Variants in CREB1 observed in about 807,000 individuals in gnomAD.
The protein encoded by CREB1 is cAMP responsive element binding protein 1, also known as cyclic AMP-responsive element-binding protein 1.
In CREB1, 2 loss-of-function variants were observed where a neutral mutation model predicts 42.0. The ratio of observed to expected loss-of-function variants is 0.05; its 90% CI spans 0.02 to 0.15. CREB1 has a LOEUF of 0.15. Ranked by LOEUF, CREB1 falls within the 10% of genes least tolerant of loss-of-function variation. CREB1 has a pLI of 1.00. For synonymous variants in CREB1, 123 were observed against 139.9 expected, an observed-to-expected ratio of 0.88 and a Z score of 0.85; for missense variants, 199 against 388.9, an observed-to-expected ratio of 0.51 and a Z score of 4.11.
At chr2:207,555,267 T>C (rs1435231724) in intron 1 of CREB1, among the ~76,000 whole-genome samples, 1 of 152,196 alleles carries the variant, frequency 6.6e-6, no homozygotes, top group African/African-American at 2.4e-5. Flanking sequence ...TCTCTGTACC[T>C]GATTAGTATA....
intron 1 of CREB1, 121 bp from the exon 2 acceptor site, chr2:207,555,507 C>T: frequency 7.5e-6 from 4 of 536,440 alleles, no homozygotes. Flanking sequence ...AGCTAGATTT[C>T]TGAGTTCATT....
At chr2:207,535,416 G>A (rs2080827340) in intron 1 of CREB1, among the ~76,000 whole-genome samples, 2 of 151,654 alleles carry the variant, frequency 1.3e-5, no homozygotes, top group African/African-American at 4.9e-5. Flanking sequence ...CATATAGTCC[G>A]GTGTTTTTTT....
At chr2:207,535,902 A>T (rs2080852053) in intron 1 of CREB1, among the ~76,000 whole-genome samples, 1 of 151,690 alleles carries the variant, frequency 6.6e-6, no homozygotes, top group South Asian at 2.1e-4. Flanking sequence ...GCTCACTGCA[A>T]CCTCTGTTTC....
intron 1 of CREB1, among the ~76,000 whole-genome samples, chr2:207,536,443 T>C (rs2080873189): frequency 6.6e-6 from 1 of 151,958 alleles, no homozygotes; most frequent in African/African-American, 2.4e-5. Flanking sequence ...CAATCCCAGC[T>C]ACTCAGGAGG....
intron 3 of CREB1, among the ~76,000 whole-genome samples, chr2:207,561,876 C>T (rs2081970728): frequency 6.6e-6 from 1 of 152,162 alleles, no homozygotes; most frequent in African/African-American, 2.4e-5. Flanking sequence ...CTTCTATTAA[C>T]CACCTCTACT....
At chr2:207,559,229 G>T in intron 2 of CREB1, 1 of 870,274 alleles carries the variant, frequency 1.1e-6, no homozygotes, top group African/African-American at 1.8e-5. Flanking sequence ...ACTCCACTCT[G>T]TGCTTGAAAT....
At chr2:207,542,226 T>C (rs920234027) in intron 1 of CREB1, among the ~76,000 whole-genome samples, 3 of 152,240 alleles carry the variant, frequency 2.0e-5, no homozygotes, top group African/African-American at 7.2e-5. Flanking sequence ...ACTGCCGGGC[T>C]GTTTTCCAAT....
chr2:207,595,870 T>G (rs543012814), intron 7 of CREB1, among the ~76,000 whole-genome samples: 131 of 152,318 alleles, frequency 8.6e-4, no homozygotes, highest in African/African-American at 2.8e-3. Flanking sequence ...ACCTTGCCTA[T>G]TCTAGATCTT....
intron 7 of CREB1, chr2:207,580,616 T>C (rs954891129): frequency 9.2e-6 from 2 of 217,466 alleles, no homozygotes; most frequent in African/African-American, 4.5e-5. Context: ...TAGGAAAAGA[T>C]TGTAATCCAA....
At chr2:207,586,399 T>A (rs1041007292) in intron 7 of CREB1, among the ~76,000 whole-genome samples, 1 of 152,106 alleles carries the variant, frequency 6.6e-6, no homozygotes, top group Non-Finnish European at 1.5e-5. Flanking sequence ...CCTATCACCA[T>A]ACCCAAAAAT....
At chr2:207,559,393 C>A in intron 2 of CREB1, 1 of 546,964 alleles carries the variant, frequency 1.8e-6, no homozygotes, top group Non-Finnish European at 2.3e-6. Context: ...CATTACTAAA[C>A]TGAATTGTAT....
chr2:207,555,816 T>G (rs1409851811), intron 2 of CREB1, 67 bp downstream of exon 2: 1 of 994,668 alleles, frequency 1.0e-6, no homozygotes, highest in East Asian at 2.6e-5. Context: ...CAAGAGAATT[T>G]AGTTGTTATT....
At position 207,601,798 on chromosome 2, in the gene CREB1, A is replaced by C. The variant is rs2087102478; in HGVS notation, c.*4740A>C. On this transcript the variant is annotated 3_prime_UTR_variant, in exon 8 of 8. Coordinates refer to ENST00000353267, the MANE Select transcript of CREB1 (RefSeq NM_004379.5). ...AGTAAAGTGTGCATAGTAAGGCTGT[A>C]GGTGAAGAGTTGTGAGATAAATAGT... 1 of 218,742 alleles carries C rather than the reference A, an allele frequency of 4.6e-6. No individual in the cohort carries two copies. Among genetic ancestry groups the C allele is most frequent in the Non-Finnish European group, 9.2e-6 (1 of 108,956 alleles). The allele number at this position is 218,742 out of a possible 1,614,324, so 13.6% of individuals were successfully genotyped here.
rs969213161 is a variant in CREB1 at position 207,597,166 on chromosome 2, C to T, written c.*108C>T. 12 of 1,222,834 alleles carry T rather than the reference C, an allele frequency of 9.8e-6. No homozygotes were observed. The highest frequency in any genetic ancestry group is 3.2e-5 in the African/African-American group (2 of 62,960). The allele number at this position is 1,222,834 out of a possible 1,614,324, so 75.7% of individuals were successfully genotyped here. ...TTCTAAACATTTCTTTTTTTCTATG[C>T]GCAAAACTGCCTGAAAGCAACTACA... is the stretch of plus-strand genomic sequence containing the variant. On this transcript the variant is annotated 3_prime_UTR_variant, in exon 8 of 8. Transcript: ENST00000353267.
chr2:207,600,518 C>A lies in CREB1; in HGVS notation c.*3460C>A. 4.8e-6 allele frequency: 1 copy of A among 207,218 alleles called. No individual in the cohort carries two copies. Among genetic ancestry groups the A allele is most frequent in the Middle Eastern group, 1.5e-3 (1 of 662 alleles). 12.8% of individuals were successfully genotyped at this position (207,218 alleles called of 1,614,324 possible). ...TACTAGTCACTTGAAAGCCTCTCCC[C>A]CAAAAGTATTTGGTTTGTATGCTTT... is the stretch of plus-strand genomic sequence containing the variant. On this transcript the variant is annotated 3_prime_UTR_variant, in exon 8 of 8. Transcript: ENST00000353267.
chr2:207,570,489 A>T (rs1275593735), intron 5 of CREB1, among the ~76,000 whole-genome samples, 168 bp downstream of exon 5: 1 of 152,218 alleles, frequency 6.6e-6, no homozygotes, highest in African/African-American at 2.4e-5. Context: ...CTGTAATGGT[A>T]GTATTTTCTT....
intron 7 of CREB1, among the ~76,000 whole-genome samples, chr2:207,596,374 T>A (rs1259288574): frequency 6.6e-6 from 1 of 152,258 alleles, no homozygotes; most frequent in African/African-American, 2.4e-5. Context: ...AATATTTTAA[T>A]TAATAGTAAG....
chr2:207,558,330 A>G (rs2081815179), intron 2 of CREB1, among the ~76,000 whole-genome samples: 1 of 152,092 alleles, frequency 6.6e-6, no homozygotes, highest in African/African-American at 2.4e-5. Context: ...AACCCCAGTC[A>G]CCCAAAAGCC....
At chr2:207,583,558 C>T (rs951403641) in intron 7 of CREB1, among the ~76,000 whole-genome samples, 1 of 152,166 alleles carries the variant, frequency 6.6e-6, no homozygotes, top group African/African-American at 2.4e-5. Context: ...TCTAAAGTTA[C>T]TTCACTCTGC....
Sources: gnomAD v4.1 joint callset for allele counts (sites outside exome capture counted in the v4.1 genomes callset) on GRCh38, gnomAD v4.1.1 for gene constraint, MANE v1.5 for transcripts, NCBI Gene and HGNC (gene_info 2026-07-23, HGNC 2026-07-21) for gene names.